Variants in TNFRSF8 observed in about 807,000 individuals in gnomAD.
TNFRSF8 encodes the protein TNF receptor superfamily member 8.
A neutral mutation model predicts 70.8 loss-of-function variants in TNFRSF8; 26 were observed. The observed-to-expected ratio is 0.37, with a 90% CI of 0.27 to 0.51. The LOEUF (loss-of-function observed/expected upper bound fraction) is 0.51, where lower values mean the gene tolerates loss of function less well. TNFRSF8 is among the 20% of genes least tolerant of loss of function. TNFRSF8 has a pLI of 0.94. For missense variants in TNFRSF8, 720 were observed against 807.9 expected (o/e 0.89, Z 1.32); for synonymous variants, 356 against 339.2 (o/e 1.05, Z -0.54).
chr1:12,084,601 T>C (rs1641121336), intron 2 of TNFRSF8, 50 bp downstream of exon 2: 1 of 1,533,706 alleles, frequency 6.5e-7, no homozygotes, highest in Non-Finnish European at 9.0e-7. Flanking sequence ...TTGTCCTCAA[T>C]TGATGACCCT....
At chr1:12,064,645 C>T (rs1389287159) in intron 1 of TNFRSF8, among the ~76,000 whole-genome samples, 1 of 152,146 alleles carries the variant, frequency 6.6e-6, no homozygotes, top group Non-Finnish European at 1.5e-5. Context: ...CAATTCTAGT[C>T]ATCTGAACCT....
At chr1:12,073,549 G>A (rs1230379084) in intron 1 of TNFRSF8, among the ~76,000 whole-genome samples, 3 of 117,206 alleles carry the variant, frequency 2.6e-5, no homozygotes, top group South Asian at 2.8e-4. Context: ...TTTCCCTTTC[G>A]TTTTCCCTTT....
chr1:12,090,211 C>A (rs1316608113), intron 2 of TNFRSF8, among the ~76,000 whole-genome samples: 1 of 144,612 alleles, frequency 6.9e-6, no homozygotes, highest in Non-Finnish European at 1.5e-5. Flanking sequence ...ATCTATCCAC[C>A]CATCTATCCA....
rs141890526 is a variant in TNFRSF8, at chr1:12,115,594, A to T, written c.811A>T (p.Thr271Ser). The stretch of plus-strand genomic sequence containing the variant: ...TCCCTTAGATGACCTTGTGGAGAAG[A>T]CGCCATGTGCATGGAACTCCTCCCG... The part of the protein sequence containing the change: ...SCSRDDLVEK[T>S]PCAWNSSRTC... Residue 271 changes from threonine (T) to serine (S), a missense_variant, in exon 8 of 15, where the codon ACG becomes TCG. Coordinates refer to ENST00000263932, the MANE Select transcript of TNFRSF8 (RefSeq NM_001243.5). 6.2e-4 allele frequency: 1,007 copies of T among 1,614,138 alleles called. 1 individual carries two copies. Among genetic ancestry groups the T allele is most frequent in the Non-Finnish European group, 8.1e-4 (957 of 1,180,032 alleles).
chr1:12,104,736 G>GA (rs1481382315), intron 4 of TNFRSF8, among the ~76,000 whole-genome samples: 1 of 152,236 alleles, frequency 6.6e-6, no homozygotes, highest in Non-Finnish European at 1.5e-5. Flanking sequence ...CAGGTGCAGA[G>GA]AGACCCTGCT....
At chr1:12,069,684 C>G (rs1194639964) in intron 1 of TNFRSF8, among the ~76,000 whole-genome samples, 2 of 152,196 alleles carry the variant, frequency 1.3e-5, no homozygotes, top group Admixed American at 1.3e-4. Flanking sequence ...TTATTGAGCA[C>G]CTTCTGCATG....
rs935266821 is a variant in TNFRSF8 at position 12,141,749 on chromosome 1, A to C, written c.1544-538A>C. Among the ~76,000 whole-genome samples, 2 of 152,074 alleles carry C rather than the reference A, an allele frequency of 1.3e-5. No individual in the cohort carries two copies. The highest frequency in any genetic ancestry group is 2.9e-5 in the Non-Finnish European group (2 of 68,010). On this transcript the variant is annotated intron_variant, in intron 14 of 14. Transcript: ENST00000263932. This position sits in a 1 kb window ranked among gnomAD's most constrained non-coding sequence, Gnocchi z 5.4. ...TTTTGGCTGCAGGCACACAGATAGG[A>C]GCAGAAAGGGCCACCAGGCGGAGTG...
intron 1 of TNFRSF8, among the ~76,000 whole-genome samples, chr1:12,069,907 A>C (rs1640812578): frequency 6.6e-6 from 1 of 152,216 alleles, no homozygotes; most frequent in Non-Finnish European, 1.5e-5. Context: ...GAATGAAAAG[A>C]GGGAGGCAGC....
chr1:12,115,854 AG>A, intron 8 of TNFRSF8, 125 bp downstream of exon 8: 1 of 1,052,096 alleles, frequency 9.5e-7, no homozygotes. Flanking sequence ...TCATTAGGTC[AG>A]GTTTGGGTTC....
chr1:12,104,902 G>A (rs1407511714), intron 4 of TNFRSF8, among the ~76,000 whole-genome samples: 4 of 152,156 alleles, frequency 2.6e-5, no homozygotes, highest in Non-Finnish European at 4.4e-5. Flanking sequence ...TCAGGTTCAG[G>A]GCATTGGGAG....
chr1:12,112,010 T>C lies in TNFRSF8; in HGVS notation c.789T>C (p.Ser263=), dbSNP rs1641642379. The change falls in exon 7 of 15, where the codon TCT becomes TCC. Residue 263 remains serine (S), a synonymous_variant. Coordinates refer to ENST00000263932, the MANE Select transcript of TNFRSF8 (RefSeq NM_001243.5). This position sits in a 1 kb window ranked among gnomAD's most constrained non-coding sequence, Gnocchi z 5.3. ...AGRCTACVSC[S]RDDLVEKTPC... ...GCTGCACGGCCTGCGTGAGCTGTTC[T>C]CGAGGTAAGGGCCTCGTCCCTCCCC... 1.2e-6 allele frequency: 2 copies of C among 1,613,744 alleles called. No individual in the cohort carries two copies. The highest frequency in any genetic ancestry group is 1.7e-5 in the Admixed American group (1 of 59,964).
chr1:12,064,768 C>T (rs1006516322), intron 1 of TNFRSF8, among the ~76,000 whole-genome samples: 1 of 152,166 alleles, frequency 6.6e-6, no homozygotes, highest in Non-Finnish European at 1.5e-5. Flanking sequence ...AGGTATTCCC[C>T]CTTTCCCCCC....
At chr1:12,085,499 G>T (rs919900531) in intron 2 of TNFRSF8, among the ~76,000 whole-genome samples, 4 of 152,168 alleles carry the variant, frequency 2.6e-5, no homozygotes, top group Non-Finnish European at 5.9e-5. Context: ...TAGTCCTCCT[G>T]CCTCAGCCTC....
chr1:12,137,092 C>T (rs1443737066), intron 13 of TNFRSF8, among the ~76,000 whole-genome samples: 2 of 151,976 alleles, frequency 1.3e-5, no homozygotes, highest in African/African-American at 4.8e-5. Flanking sequence ...GTGGTGATGA[C>T]TCTTAGCGAG....
intron 1 of TNFRSF8, among the ~76,000 whole-genome samples, chr1:12,067,664 A>G (rs973310503): frequency 6.6e-6 from 1 of 151,686 alleles, no homozygotes; most frequent in African/African-American, 2.4e-5. Flanking sequence ...TGGCAGTGAG[A>G]CTGTATTTAA....
intron 1 of TNFRSF8, among the ~76,000 whole-genome samples, chr1:12,067,732 A>G (rs937245667): frequency 7.2e-5 from 11 of 152,086 alleles, no homozygotes; most frequent in Non-Finnish European, 1.5e-4. Flanking sequence ...TGACTCCTCC[A>G]TCTAGCAATT....
At chr1:12,135,070 C>T (rs1042309777) in intron 12 of TNFRSF8, among the ~76,000 whole-genome samples, 5 of 151,962 alleles carry the variant, frequency 3.3e-5, no homozygotes, top group Non-Finnish European at 7.4e-5. Flanking sequence ...AATCCCAGCA[C>T]TTTGCAAGGC....
chr1:12,084,467 C>G lies in TNFRSF8; in HGVS notation c.67C>G (p.Arg23Gly). Residue 23 changes from arginine to glycine, a missense_variant, in exon 2 of 15, where the codon CGA becomes GGA. By Grantham distance (125) the Arg-to-Gly change is moderately radical. Transcript: ENST00000263932. ...LGALRAFPQD[R>G]PFEDTCHGNP... Reference sequence around the variant, plus strand: ...ACCAGCTTTTCTGACCTGCCAGGATCGACCCTTCGAGGACACCTGTCATGG... The same window carrying G: ...ACCAGCTTTTCTGACCTGCCAGGATGGACCCTTCGAGGACACCTGTCATGG... 1.2e-6 allele frequency: 2 copies of G among 1,613,924 alleles called. No individual in the cohort carries two copies. Among genetic ancestry groups the G allele is most frequent in the Non-Finnish European group, 8.5e-7 (1 of 1,179,946 alleles).
At position 12,142,680 on chromosome 1, in the gene TNFRSF8, G is replaced by A. The variant is rs1022550609; in HGVS notation, c.*149G>A. On this transcript the variant is annotated 3_prime_UTR_variant, in exon 15 of 15. Coordinates refer to ENST00000263932, the MANE Select transcript of TNFRSF8 (RefSeq NM_001243.5). This position sits in a 1 kb window ranked among gnomAD's most constrained non-coding sequence, Gnocchi z 5.0. ...TGGTGGACCGGCCGGTCACTGCAGG[G>A]GTCTGGTGGTCTCTGCTTGCATCCC... 8 of 1,079,354 alleles carry A rather than the reference G, an allele frequency of 7.4e-6. No homozygotes were observed. In the African/African-American group the frequency reaches 1.1e-4, roughly 15 times the overall value. The allele number at this position is 1,079,354 out of a possible 1,614,324, so 66.9% of individuals were successfully genotyped here. A position where few individuals can be genotyped will look rare whatever the true frequency, so the allele number is the denominator to read the frequency against.
Sources: allele counts gnomAD v4.1 joint callset (sites outside exome capture counted in the v4.1 genomes callset), GRCh38; gene constraint gnomAD v4.1.1; non-coding constraint Gnocchi (gnomAD v3.1); transcripts MANE v1.5; gene names NCBI Gene and HGNC (gene_info 2026-07-23, HGNC 2026-07-21).